Variants in PLGRKT observed in about 807,000 individuals in gnomAD.
The protein encoded by PLGRKT is plasminogen receptor with a C-terminal lysine.
A neutral mutation model predicts 18.5 loss-of-function variants in PLGRKT; 22 were observed. The ratio of observed to expected loss-of-function variants is 1.19; its 90% CI spans 0.85 to 1.70. The LOEUF (loss-of-function observed/expected upper bound fraction) is 1.70. Ranked by LOEUF, PLGRKT falls within the 40% of genes most tolerant of loss-of-function variation. The pLI is 0.00. For synonymous variants in PLGRKT, 72 were observed against 52.8 expected (o/e 1.36, Z -1.58); for missense variants, 235 against 174.4 (o/e 1.35, Z -1.96).
chr9:5,409,950 G>A (rs1274825887), intron 3 of PLGRKT, among the ~76,000 whole-genome samples: 1 of 151,992 alleles, frequency 6.6e-6, no homozygotes, highest in Non-Finnish European at 1.5e-5. Flanking sequence ...TCTTATCTAA[G>A]AACAAGCATA....
chr9:5,364,105 T>G (rs1980667), intron 3 of PLGRKT, among the ~76,000 whole-genome samples: 1 of 152,064 alleles, frequency 6.6e-6, no homozygotes, highest in African/African-American at 2.4e-5. Context: ...TTGCTGCACA[T>G]CATGAGCATC....
intron 3 of PLGRKT, among the ~76,000 whole-genome samples, chr9:5,363,673 T>A (rs1016192149): frequency 6.6e-6 from 1 of 152,144 alleles, no homozygotes; most frequent in South Asian, 2.1e-4. Context: ...CCCAGATGCA[T>A]CTGGCTAGAT....
At chr9:5,405,367 G>T (rs528012740) in intron 3 of PLGRKT, among the ~76,000 whole-genome samples, 40 of 152,248 alleles carry the variant, frequency 2.6e-4, no homozygotes, top group South Asian at 1.7e-3. Flanking sequence ...ATACTACAAG[G>T]TTACAGTAAT....
chr9:5,389,285 T>C (rs1450842507), intron 3 of PLGRKT, among the ~76,000 whole-genome samples: 3 of 151,984 alleles, frequency 2.0e-5, no homozygotes, highest in Non-Finnish European at 4.4e-5. Flanking sequence ...TCTGTGGTTT[T>C]GACAACGTTC....
chr9:5,403,224 C>A (rs200362557), intron 3 of PLGRKT, among the ~76,000 whole-genome samples: 4 of 135,172 alleles, frequency 3.0e-5, no homozygotes, highest in African/African-American at 1.1e-4. Context: ...ATTCTTTTTT[C>A]TTTTTTTTTT....
At chr9:5,407,037 A>G (rs1274790422) in intron 3 of PLGRKT, among the ~76,000 whole-genome samples, 7 of 152,148 alleles carry the variant, frequency 4.6e-5, no homozygotes, top group Admixed American at 4.6e-4. Flanking sequence ...TCACTTTTAT[A>G]TTGCTTTTAA....
chr9:5,360,865 C>A (rs1817246871), intron 5 of PLGRKT, among the ~76,000 whole-genome samples: 1 of 152,218 alleles, frequency 6.6e-6, no homozygotes. Context: ...AACCAGCTTA[C>A]ACAATCCCTG....
At chr9:5,399,853 T>C (rs778064220) in intron 3 of PLGRKT, among the ~76,000 whole-genome samples, 1 of 151,500 alleles carries the variant, frequency 6.6e-6, no homozygotes, top group Non-Finnish European at 1.5e-5. Flanking sequence ...TAGCCAGGCC[T>C]GGTGGTGCAC....
chr9:5,390,391 C>A lies in PLGRKT; in HGVS notation c.82-28503G>T, dbSNP rs923797827. ...ACCAGTTTCAAAATTTGAAAGATCACAGGAGAGGCCAAACAGAGTGGTCTC... is the reference window on the plus strand; with the variant it reads ...ACCAGTTTCAAAATTTGAAAGATCAAAGGAGAGGCCAAACAGAGTGGTCTC... On this transcript the variant is annotated intron_variant, in intron 3 of 5. Coordinates refer to ENST00000223864, the MANE Select transcript of PLGRKT (RefSeq NM_018465.4). Among the ~76,000 whole-genome samples the A allele has an allele frequency of 1.9e-4, 29 of 151,824 alleles. 2 individuals are homozygous for A. In the South Asian group the frequency reaches 5.6e-3, roughly 29 times the overall value.
At chr9:5,401,677 T>C (rs569470561) in intron 3 of PLGRKT, among the ~76,000 whole-genome samples, 4 of 152,124 alleles carry the variant, frequency 2.6e-5, no homozygotes, top group Non-Finnish European at 5.9e-5. Flanking sequence ...AATTTGTTAA[T>C]TGTTATATGA....
chr9:5,399,030 C>T (rs1818105171), intron 3 of PLGRKT, among the ~76,000 whole-genome samples: 1 of 151,482 alleles, frequency 6.6e-6, no homozygotes, highest in Admixed American at 6.6e-5. Flanking sequence ...CTTTTATCTG[C>T]ATAGCAAGGT....
At chr9:5,366,097 T>C (rs535940965) in intron 3 of PLGRKT, among the ~76,000 whole-genome samples, 6 of 152,282 alleles carry the variant, frequency 3.9e-5, no homozygotes, top group Admixed American at 2.0e-4. Flanking sequence ...TAAGATTATG[T>C]TTAAATTCAT....
chr9:5,433,099 C>T (rs1017539172), intron 2 of PLGRKT, among the ~76,000 whole-genome samples: 3 of 149,654 alleles, frequency 2.0e-5, no homozygotes. Flanking sequence ...AGGAGCGCCT[C>T]TGCCCAGCCA....
chr9:5,361,121 G>A lies in PLGRKT; in HGVS notation c.279C>T (p.Tyr93=), dbSNP rs1319350554. ...GGGTTCCATAGCCCAAGTCATACTG[G>A]TAGGTGAGGATAAAGCTTAATGGAA... is the stretch of plus-strand genomic sequence containing the variant. ...PIVPLSFILT[Y]QYDLGYGTLL... is the part of the protein sequence containing the mutation. Residue 93 remains tyrosine, a synonymous_variant, in exon 5 of 6, where the codon TAC becomes TAT. Transcript: ENST00000223864. The A allele has an allele frequency of 6.2e-7, 1 of 1,608,620 alleles. No homozygotes were observed.
rs866242291 is a variant in PLGRKT at position 5,362,505 on chromosome 9, G to T, written c.82-617C>A. Reference sequence around the variant, plus strand: ...AACTGAATTTCTAAATTGATTTTTAGAAAATACTCAGGAGAAGCAACTGTC... The same window carrying T: ...AACTGAATTTCTAAATTGATTTTTATAAAATACTCAGGAGAAGCAACTGTC... On this transcript the variant is annotated intron_variant, in intron 3 of 5. Coordinates refer to ENST00000223864, the MANE Select transcript of PLGRKT (RefSeq NM_018465.4). Among the ~76,000 whole-genome samples the T allele has an allele frequency of 5.9e-5, 9 of 152,110 alleles. No individual in the cohort carries two copies. In the South Asian group the frequency reaches 8.3e-4, roughly 14 times the overall value.
Position 5,418,707 on chromosome 9 carries a change from G to A in PLGRKT, c.81+13190C>T, listed in dbSNP as rs1473451897. The A allele has an allele frequency of 1.5e-6, 1 of 666,332 alleles. No individual in the cohort carries two copies. Among genetic ancestry groups the A allele is most frequent in the African/African-American group, 1.8e-5 (1 of 56,210 alleles). The allele number at this position is 666,332 out of a possible 1,614,324, so 41.3% of individuals were successfully genotyped here. A position where few individuals can be genotyped will look rare whatever the true frequency, so the allele number is the denominator to read the frequency against. On this transcript the variant is annotated intron_variant, in intron 3 of 5. Coordinates refer to ENST00000223864, the MANE Select transcript of PLGRKT (RefSeq NM_018465.4). The surrounding 1 kb of genome is among the most constrained non-coding windows in gnomAD (Gnocchi z 4.2). ...AGCACCCACTGCCGGGAAGTCTGAT[G>A]AAGACCGGCATGTGCTCCGAAGCGT...
intron 3 of PLGRKT, among the ~76,000 whole-genome samples, chr9:5,369,888 T>C (rs1185970920): frequency 1.3e-5 from 2 of 151,804 alleles, no homozygotes; most frequent in African/African-American, 2.4e-5. Context: ...AGTTGAACAA[T>C]GAGAACAAAT....
chr9:5,376,011 T>C (rs1401079265), intron 3 of PLGRKT, among the ~76,000 whole-genome samples: 1 of 152,232 alleles, frequency 6.6e-6, no homozygotes, highest in African/African-American at 2.4e-5. Flanking sequence ...CAGGATATTA[T>C]TCAGCCATAA....
chr9:5,382,303 A>ATGGTT (rs1817762162), intron 3 of PLGRKT, among the ~76,000 whole-genome samples: 2 of 152,316 alleles, frequency 1.3e-5, no homozygotes, highest in African/African-American at 4.8e-5. Flanking sequence ...TGACAGGCAC[A>ATGGTT]ATTCAGGGCA....
Sources: allele counts gnomAD v4.1 joint callset (sites outside exome capture counted in the v4.1 genomes callset), GRCh38; gene constraint gnomAD v4.1.1; non-coding constraint Gnocchi (gnomAD v3.1); transcripts MANE v1.5; gene names NCBI Gene and HGNC (gene_info 2026-07-23, HGNC 2026-07-21).